SNTG1: variants seen among roughly 807,000 people sequenced by gnomAD.
SNTG1 encodes syntrophin gamma 1.
Under a neutral mutation model 74.7 loss-of-function variants are expected in SNTG1, and 39 were observed. The observed-to-expected ratio is 0.52, with a 90% confidence interval of 0.40 to 0.68. The LOEUF (loss-of-function observed/expected upper bound fraction) is 0.68. Among genes scored for constraint, SNTG1 ranks in the 30% least tolerant of loss-of-function variants. The probability of loss-of-function intolerance (pLI) is 0.00; values close to 1 mark genes in which losing one functional copy is unlikely to be tolerated. For synonymous variants in SNTG1, 254 were observed against 217.1 expected (o/e 1.17, Z -1.49); for missense variants, 685 against 609.5 (o/e 1.12, Z -1.30).
At chr8:50,414,755 G>A (rs558336955) in intron 4 of SNTG1, among the ~76,000 whole-genome samples, 20 of 152,030 alleles carry the variant, frequency 1.3e-4, no homozygotes, top group South Asian at 2.1e-4. Flanking sequence ...ATGTGTGTGC[G>A]TGTGTGGGTG....
At chr8:50,485,908 C>T (rs2131845738) in intron 8 of SNTG1, among the ~76,000 whole-genome samples, 1 of 150,932 alleles carries the variant, frequency 6.6e-6, no homozygotes, top group South Asian at 2.1e-4. Context: ...GTTTTCCCAG[C>T]ACCATTTATT....
intron 17 of SNTG1, among the ~76,000 whole-genome samples, chr8:50,743,525 A>G (rs1479450821): frequency 6.6e-6 from 1 of 151,932 alleles, no homozygotes; most frequent in Non-Finnish European, 1.5e-5. Context: ...CGACCCACAG[A>G]TAATATTATA....
At chr8:50,550,384 G>T (rs1016437613) in intron 11 of SNTG1, among the ~76,000 whole-genome samples, 1 of 152,050 alleles carries the variant, frequency 6.6e-6, no homozygotes, top group Non-Finnish European at 1.5e-5. Context: ...AATCAACAAT[G>T]AATCAAAACA....
chr8:49,953,838 T>C (rs1234562006), intron 1 of SNTG1, among the ~76,000 whole-genome samples: 2 of 152,298 alleles, frequency 1.3e-5, no homozygotes, highest in Middle Eastern at 3.4e-3. Context: ...GAAAATCCTG[T>C]CTGTGAAAAA....
intron 2 of SNTG1, among the ~76,000 whole-genome samples, chr8:50,219,319 C>T (rs575230215): frequency 6.6e-6 from 1 of 152,158 alleles, no homozygotes; most frequent in East Asian, 1.9e-4. Context: ...CTCAAAAATC[C>T]CACAGATCAA....
intron 17 of SNTG1, among the ~76,000 whole-genome samples, chr8:50,723,124 A>C (rs1363243757): frequency 2.0e-5 from 3 of 152,100 alleles, no homozygotes; most frequent in Non-Finnish European, 2.9e-5. Context: ...ACCACATTTG[A>C]CTTCCTTGTT....
intron 13 of SNTG1, among the ~76,000 whole-genome samples, chr8:50,646,215 C>T (rs1047042009): frequency 2.0e-5 from 3 of 152,100 alleles, no homozygotes; most frequent in African/African-American, 7.2e-5. Context: ...TAATACACAG[C>T]CTTACCGGCT....
At chr8:50,020,994 T>C (rs1816765761) in intron 1 of SNTG1, among the ~76,000 whole-genome samples, 1 of 152,182 alleles carries the variant, frequency 6.6e-6, no homozygotes, top group Non-Finnish European at 1.5e-5. Context: ...AGAATCCTTT[T>C]AGCCATTGAT....
intron 17 of SNTG1, among the ~76,000 whole-genome samples, chr8:50,742,611 A>G (rs2095545932): frequency 6.6e-6 from 1 of 151,838 alleles, no homozygotes; most frequent in African/African-American, 2.4e-5. Flanking sequence ...CAGTGACCTG[A>G]CATTACATCT....
At chr8:50,472,215 C>T (rs1297074852) in intron 8 of SNTG1, among the ~76,000 whole-genome samples, 1 of 152,002 alleles carries the variant, frequency 6.6e-6, no homozygotes, top group Non-Finnish European at 1.5e-5. Flanking sequence ...TATGGAATTG[C>T]AAGAGACACC....
intron 2 of SNTG1, among the ~76,000 whole-genome samples, chr8:50,182,786 C>T (rs1376811128): frequency 6.6e-6 from 1 of 152,026 alleles, no homozygotes; most frequent in Non-Finnish European, 1.5e-5. Context: ...CACAAGTGAC[C>T]AGCTCTTCAT....
At chr8:50,061,472 A>G (rs558955720) in intron 1 of SNTG1, among the ~76,000 whole-genome samples, 1 of 151,858 alleles carries the variant, frequency 6.6e-6, no homozygotes, top group African/African-American at 2.4e-5. Context: ...AGTTTCTTTC[A>G]TTTTTAATTG....
At chr8:50,142,740 A>C (rs2081711795) in intron 1 of SNTG1, among the ~76,000 whole-genome samples, 1 of 152,180 alleles carries the variant, frequency 6.6e-6, no homozygotes, top group African/African-American at 2.4e-5. Context: ...TCATGTTAAA[A>C]CCTCTCACTG....
chr8:49,946,973 G>A (rs1361316718), intron 1 of SNTG1, among the ~76,000 whole-genome samples: 5 of 152,076 alleles, frequency 3.3e-5, no homozygotes, highest in Admixed American at 6.6e-5. Context: ...TTAGCAATTC[G>A]TAATAGCTAC....
intron 1 of SNTG1, among the ~76,000 whole-genome samples, chr8:50,150,764 C>G (rs552264730): frequency 6.6e-6 from 1 of 152,300 alleles, no homozygotes; most frequent in South Asian, 2.1e-4. Flanking sequence ...ATGAAGCCCA[C>G]TTGATCATGG....
intron 1 of SNTG1, among the ~76,000 whole-genome samples, chr8:49,918,866 C>A (rs1806277785): frequency 6.6e-6 from 1 of 152,006 alleles, no homozygotes; most frequent in South Asian, 2.1e-4. Flanking sequence ...GTGACAAAAT[C>A]CCAGCTTAAA....
intron 2 of SNTG1, among the ~76,000 whole-genome samples, chr8:50,356,723 T>C (rs2091826402): frequency 6.6e-6 from 1 of 152,124 alleles, no homozygotes. Context: ...CATGACCTAA[T>C]TACCTCTTAA....
intron 1 of SNTG1, among the ~76,000 whole-genome samples, chr8:49,939,824 T>A (rs1016015042): frequency 1.3e-5 from 2 of 152,220 alleles, no homozygotes; most frequent in African/African-American, 4.8e-5. Flanking sequence ...GTTCTAACCA[T>A]GGGCTTCTTG....
At chr8:50,271,064 C>T (rs1268890010) in intron 2 of SNTG1, among the ~76,000 whole-genome samples, 2 of 152,126 alleles carry the variant, frequency 1.3e-5, no homozygotes, top group Admixed American at 1.3e-4. Flanking sequence ...ATACTCTGTA[C>T]CAAATTCAAA....
Sources: allele counts gnomAD v4.1 joint callset (sites outside exome capture counted in the v4.1 genomes callset), GRCh38; gene constraint gnomAD v4.1.1; transcripts MANE v1.5; gene names NCBI Gene and HGNC (gene_info 2026-07-23, HGNC 2026-07-21).